Variants in NME8 observed in about 807,000 individuals in gnomAD.
NME8 encodes the protein NME/NM23 family member 8, also known as protein NME8.
In NME8, 72 loss-of-function variants were observed where a neutral mutation model predicts 82.3. The ratio of observed to expected loss-of-function variants is 0.87; its 90% CI spans 0.72 to 1.06. The LOEUF is 1.06. Among genes scored for constraint, NME8 ranks in the 50% least tolerant of loss-of-function variants. NME8 has a pLI of 0.00. For missense variants in NME8, 712 were observed against 685.4 expected (o/e 1.04, Z -0.43); for synonymous variants, 267 against 228.5 (o/e 1.17, Z -1.52).
chr7:37,889,613 C>A (rs979100072), intron 15 of NME8, among the ~76,000 whole-genome samples: 2 of 150,408 alleles, frequency 1.3e-5, no homozygotes, highest in South Asian at 4.2e-4. Context: ...TTGTATTTTC[C>A]CTTGGGCCTT....
intron 14 of NME8, 116 bp downstream of exon 14, chr7:37,885,368 A>G (rs1035079902): frequency 1.3e-6 from 1 of 749,766 alleles, no homozygotes; most frequent in Non-Finnish European, 2.4e-6. Flanking sequence ...CAGGAAAGCT[A>G]CCTTTCCTGG....
intron 2 of NME8, among the ~76,000 whole-genome samples, chr7:37,849,348 T>G (rs550195427): frequency 6.6e-6 from 1 of 152,144 alleles, no homozygotes; most frequent in Non-Finnish European, 1.5e-5. Context: ...AGGAAACACT[T>G]TCTAATATTT....
At chr7:37,889,764 G>A (rs1785100483) in intron 15 of NME8, among the ~76,000 whole-genome samples, 1 of 151,854 alleles carries the variant, frequency 6.6e-6, no homozygotes, top group Admixed American at 6.6e-5. Flanking sequence ...ACATGTATGA[G>A]GAGAAAAAAT....
chr7:37,890,604 A>C (rs1442501806), intron 15 of NME8, among the ~76,000 whole-genome samples: 2 of 151,916 alleles, frequency 1.3e-5, no homozygotes, highest in East Asian at 3.9e-4. Context: ...TCTAGTGAGC[A>C]CCATTCTGCT....
At position 37,898,358 on chromosome 7, in the gene NME8, T is replaced by G. The variant is rs528740387; in HGVS notation, c.*15+1251T>G. Among the ~76,000 whole-genome samples, 8 of 152,296 alleles carry G rather than the reference T, an allele frequency of 5.3e-5. No individual in the cohort carries two copies. In the East Asian group the frequency reaches 1.2e-3, roughly 22 times the overall value. On this transcript the variant is annotated intron_variant, in intron 17 of 17. Coordinates refer to ENST00000199447, the MANE Select transcript of NME8 (RefSeq NM_016616.5). ...ATAGAATCATTATTTAACCCATCAGTTCTATTCCTAGGTGTATTCCCAAAA... is the reference window on the plus strand; with the variant it reads ...ATAGAATCATTATTTAACCCATCAGGTCTATTCCTAGGTGTATTCCCAAAA...
intron 17 of NME8, 140 bp downstream of exon 17, chr7:37,897,247 T>C (rs1390423623): frequency 3.1e-6 from 2 of 641,526 alleles, no homozygotes; most frequent in East Asian, 5.5e-5. Flanking sequence ...CACTGTTCTA[T>C]TGCATAGTAG....
chr7:37,873,367 A>AAAAG (rs1784799510), intron 11 of NME8, among the ~76,000 whole-genome samples: 1 of 151,380 alleles, frequency 6.6e-6, no homozygotes, highest in Admixed American at 6.6e-5. Context: ...CTCAAAAAAA[A>AAAAG]AAAAAAAGAA....
chr7:37,894,324 T>G (rs1785182526), intron 15 of NME8, 142 bp from the exon 16 acceptor site: 1 of 831,946 alleles, frequency 1.2e-6, no homozygotes, highest in Admixed American at 2.3e-5. Flanking sequence ...CTTTGGAATT[T>G]TAATTTCGTT....
chr7:37,880,668 C>G (rs1458094745), intron 12 of NME8, among the ~76,000 whole-genome samples: 1 of 152,144 alleles, frequency 6.6e-6, no homozygotes, highest in African/African-American at 2.4e-5. Context: ...ATTTCCATAT[C>G]CACAAAATAA....
At chr7:37,859,641 C>G (rs1784569440) in intron 6 of NME8, among the ~76,000 whole-genome samples, 2 of 152,186 alleles carry the variant, frequency 1.3e-5, no homozygotes, top group South Asian at 4.1e-4. Flanking sequence ...CCATCTCACT[C>G]CTGTCATTTA....
intron 11 of NME8, among the ~76,000 whole-genome samples, chr7:37,876,229 TATAGATAG>T (rs56873287): frequency 0.044 from 6,451 of 146,138 alleles, 226 homozygotes; most frequent in East Asian, 0.19. Context: ...TATATATATA[TATAGATAG>T]ATAGATAGAT....
chr7:37,869,759 A>T (rs1354515190), intron 11 of NME8, among the ~76,000 whole-genome samples: 1 of 152,172 alleles, frequency 6.6e-6, no homozygotes, highest in Non-Finnish European at 1.5e-5. Context: ...GCCACAGCAG[A>T]CAGCATGGGA....
intron 12 of NME8, among the ~76,000 whole-genome samples, chr7:37,882,106 A>T (rs1012219307): frequency 6.6e-6 from 1 of 152,172 alleles, no homozygotes; most frequent in African/African-American, 2.4e-5. Context: ...GATTGTATAG[A>T]TATCTAAGAA....
intron 12 of NME8, among the ~76,000 whole-genome samples, chr7:37,883,987 C>CACA (rs374127636): frequency 0.032 from 4,635 of 144,686 alleles, 97 homozygotes; most frequent in Non-Finnish European, 0.042. Flanking sequence ...ACACACACAC[C>CACA]CACACAATCA....
chr7:37,854,018 G>A (rs1784474660), intron 5 of NME8, among the ~76,000 whole-genome samples: 1 of 151,120 alleles, frequency 6.6e-6, no homozygotes, highest in Non-Finnish European at 1.5e-5. Context: ...AAATAGAGTT[G>A]ACCCTTACCA....
chr7:37,869,318 A>C (rs1784735705), intron 11 of NME8, among the ~76,000 whole-genome samples: 1 of 152,150 alleles, frequency 6.6e-6, no homozygotes, highest in African/African-American at 2.4e-5. Flanking sequence ...GTTTTAAGGG[A>C]AAATAATAAT....
rs1159941002 is a variant in NME8, at chr7:37,895,908, AG to A, written c.1545-960del. 2.0e-5 allele frequency among the ~76,000 whole-genome samples: 3 copies of A among 152,304 alleles called. No homozygotes were observed. The East Asian group carries it at 5.8e-4, about 29-fold the overall frequency. On this transcript the variant is annotated intron_variant, in intron 16 of 17. Transcript: ENST00000199447. ...GAACCAGATAGCCTAGGTGTGTAAG[AG>A]GCTATTCTATCTAGGTTTCTGTAAG...
At position 37,857,706 on chromosome 7, in the gene NME8, A is replaced by G. The variant is rs554211960; in HGVS notation, c.270+361A>G. 1.9e-3 allele frequency among the ~76,000 whole-genome samples: 283 copies of G among 152,334 alleles called. 1 individual carries two copies. The highest frequency in any genetic ancestry group is 6.5e-3 in the African/African-American group (271 of 41,582). On this transcript the variant is annotated intron_variant, in intron 6 of 17. Transcript: ENST00000199447. ...GTTATAAACATTCATGCATATCCAT[A>G]CAAGAAAGCATCTGTATGATCAGTC...
chr7:37,872,497 A>T (rs764615673), intron 11 of NME8, among the ~76,000 whole-genome samples: 12 of 152,198 alleles, frequency 7.9e-5, no homozygotes, highest in Non-Finnish European at 1.6e-4. Context: ...AATAACAATA[A>T]AAAAAGGACT....
Sources: gnomAD v4.1 joint callset for allele counts (sites outside exome capture counted in the v4.1 genomes callset) on GRCh38, gnomAD v4.1.1 for gene constraint, MANE v1.5 for transcripts, NCBI Gene and HGNC (gene_info 2026-07-23, HGNC 2026-07-21) for gene names.